The following RAP1A variants were observed in gnomAD, a reference collection of about 807,000 sequenced individuals.
RAP1A encodes the protein RAP1A, member of RAS oncogene family.
Under a neutral mutation model 26.4 loss-of-function variants are expected in RAP1A, and 6 were observed. That is an observed-to-expected ratio of 0.23 (90% CI 0.12 to 0.45). RAP1A has a LOEUF of 0.45. Among genes scored for constraint, RAP1A ranks in the 20% least tolerant of loss-of-function variants. RAP1A has a pLI of 0.99. For missense variants in RAP1A, 121 were observed against 217.2 expected (o/e 0.56, Z 2.78); for synonymous variants, 73 against 79.4 (o/e 0.92, Z 0.43).
chr1:111,582,723 A>G (rs1157414198), intron 1 of RAP1A, among the ~76,000 whole-genome samples: 1 of 152,218 alleles, frequency 6.6e-6, no homozygotes, highest in Non-Finnish European at 1.5e-5. Context: ...AGGCTTTTTA[A>G]TAATTTATTA....
At chr1:111,680,785 G>C (rs987092804) in intron 1 of RAP1A, 12 of 152,296 alleles carry the variant, frequency 7.9e-5, no homozygotes, top group Admixed American at 6.5e-4. Context: ...CTGCAGAAGA[G>C]GGGCCAGACT....
chr1:111,640,387 CT>C (rs1209128944), intron 1 of RAP1A, among the ~76,000 whole-genome samples: 1 of 151,692 alleles, frequency 6.6e-6, no homozygotes, highest in Non-Finnish European at 1.5e-5. Flanking sequence ...ACATTTTTTC[CT>C]CACTAAATAT....
chr1:111,580,865 C>CAAAAAAAA (rs59640388), intron 1 of RAP1A, among the ~76,000 whole-genome samples: 1 of 145,148 alleles, frequency 6.9e-6, no homozygotes, highest in Non-Finnish European at 1.5e-5. Context: ...AAACAAAAAA[C>CAAAAAAAA]AAAAAAAAAA....
intron 1 of RAP1A, among the ~76,000 whole-genome samples, chr1:111,683,249 A>G (rs530274000): frequency 7.6e-4 from 115 of 152,312 alleles, no homozygotes; most frequent in African/African-American, 2.5e-3. Context: ...TAGCATCACA[A>G]TTAAAAGAAC....
chr1:111,705,588 G>T lies in RAP1A; in HGVS notation c.468+1102G>T, dbSNP rs527608470. 6.6e-5 allele frequency among the ~76,000 whole-genome samples: 10 copies of T among 152,182 alleles called. No homozygotes were observed. The South Asian group carries it at 1.9e-3, about 28-fold the overall frequency. On this transcript the variant is annotated intron_variant, in intron 6 of 7. Transcript: ENST00000369709. ...ATTTTTAACAAGTACATAAAAACAA[G>T]AAATTTATAAATTGTATTTATTCAG... is the stretch of plus-strand genomic sequence containing the variant.
At chr1:111,683,445 G>T (rs1234593320) in intron 1 of RAP1A, among the ~76,000 whole-genome samples, 2 of 151,650 alleles carry the variant, frequency 1.3e-5, no homozygotes, top group African/African-American at 4.8e-5. Flanking sequence ...GGAAAGAGAA[G>T]AATCAAATAG....
intron 1 of RAP1A, among the ~76,000 whole-genome samples, chr1:111,637,637 G>A (rs1176740269): frequency 6.6e-6 from 1 of 152,064 alleles, no homozygotes; most frequent in Non-Finnish European, 1.5e-5. Context: ...ATGCATATAT[G>A]CCTTTTCTTT....
At chr1:111,572,343 T>C (rs756185391) in intron 1 of RAP1A, among the ~76,000 whole-genome samples, 6 of 152,212 alleles carry the variant, frequency 3.9e-5, no homozygotes, top group African/African-American at 7.2e-5. Flanking sequence ...ATGTTGTGAA[T>C]TGAAGCTGAG....
rs1451184222 is a variant in RAP1A, at chr1:111,627,106, G to C, written c.-28+7172G>C. 2.0e-5 allele frequency among the ~76,000 whole-genome samples: 3 copies of C among 151,032 alleles called. No homozygotes were observed. In the East Asian group the frequency reaches 5.8e-4, roughly 29 times the overall value. ...TAACTGCTTAAACATTTTTTTTTCT[G>C]TTTAAAGTAATTCATGTTATACTGT... On this transcript the variant is annotated intron_variant, in intron 1 of 7. Transcript: ENST00000369709.
chr1:111,664,774 C>T (rs1019462167), intron 1 of RAP1A, among the ~76,000 whole-genome samples: 1 of 152,172 alleles, frequency 6.6e-6, no homozygotes, highest in Non-Finnish European at 1.5e-5. Flanking sequence ...GAGTTTAAAT[C>T]GTGGCTTTTC....
intron 1 of RAP1A, among the ~76,000 whole-genome samples, chr1:111,583,116 C>T (rs1658291443): frequency 6.6e-6 from 1 of 152,098 alleles, no homozygotes; most frequent in Non-Finnish European, 1.5e-5. Context: ...CTGACAGGCA[C>T]AGATCACCAC....
intron 1 of RAP1A, among the ~76,000 whole-genome samples, chr1:111,625,263 A>G (rs1415174109): frequency 5.3e-5 from 8 of 152,146 alleles, no homozygotes; most frequent in Non-Finnish European, 1.5e-5. Context: ...TCTGGAGGTA[A>G]AAGATAATTT....
intron 1 of RAP1A, among the ~76,000 whole-genome samples, chr1:111,686,941 TAGC>T (rs1277682017): frequency 4.6e-5 from 7 of 152,012 alleles, no homozygotes; most frequent in African/African-American, 1.7e-4. Context: ...GCAGTAATAT[TAGC>T]AGCAACTGTG....
chr1:111,600,274 G>A (rs759839821), intron 1 of RAP1A, among the ~76,000 whole-genome samples: 1 of 152,086 alleles, frequency 6.6e-6, no homozygotes, highest in South Asian at 2.1e-4. Flanking sequence ...CAGAGGCCTC[G>A]CCTGGCCTAA....
Position 111,603,633 on chromosome 1 carries a change from C to A in RAP1A, c.-28+61124C>A, listed in dbSNP as rs6671167. 3.3e-5 allele frequency among the ~76,000 whole-genome samples: 5 copies of A among 152,036 alleles called. No individual in the cohort carries two copies. The East Asian group carries it at 9.7e-4, about 29-fold the overall frequency. ...CTTTGTAAAATGTTTTCTTCTCTCC[C>A]TTCCCAAGTTCGGGGCATGACCAGT... On this transcript the variant is annotated intron_variant, in intron 1 of 7. Coordinates refer to the RAP1A transcript ENST00000356415.
chr1:111,615,587 C>T (rs1337719020), upstream of RAP1A, among the ~76,000 whole-genome samples: 1 of 152,092 alleles, frequency 6.6e-6, no homozygotes, highest in Admixed American at 6.5e-5. Context: ...AATCCCAGCA[C>T]TTTGGGAGGC....
intron 1 of RAP1A, among the ~76,000 whole-genome samples, chr1:111,546,358 A>G (rs1026018555): frequency 1.3e-5 from 2 of 152,088 alleles, no homozygotes; most frequent in African/African-American, 4.8e-5. Context: ...ACCACCATCC[A>G]TCTCTAAAAC....
At chr1:111,598,686 T>A (rs1218632215) in intron 1 of RAP1A, among the ~76,000 whole-genome samples, 1 of 152,032 alleles carries the variant, frequency 6.6e-6, no homozygotes, top group Non-Finnish European at 1.5e-5. Context: ...ACCACAGAAG[T>A]CTTCTGTGAC....
At chr1:111,697,390 A>G in intron 3 of RAP1A, 51 bp from the exon 4 acceptor site, 1 of 1,607,030 alleles carries the variant, frequency 6.2e-7, no homozygotes, top group East Asian at 2.2e-5. Flanking sequence ...AGAAAACAGA[A>G]TGAGATTTTG....
Sources: gnomAD v4.1 joint callset for allele counts (sites outside exome capture counted in the v4.1 genomes callset) on GRCh38, gnomAD v4.1.1 for gene constraint, MANE v1.5 for transcripts, NCBI Gene and HGNC (gene_info 2026-07-23, HGNC 2026-07-21) for gene names.